Variants in DLG2 observed in about 807,000 individuals in gnomAD.
The protein encoded by DLG2 is discs large MAGUK scaffold protein 2.
A neutral mutation model predicts 132.5 loss-of-function variants in DLG2; 45 were observed. That is an observed-to-expected ratio of 0.34 (90% confidence interval 0.27 to 0.44). DLG2 has a LOEUF of 0.44. DLG2 is among the 20% of genes least tolerant of loss of function. DLG2 has a pLI of 1.00. For synonymous variants in DLG2, 424 were observed against 419.6 expected (o/e 1.01, Z -0.13); for missense variants, 1,045 against 1,196.9 (o/e 0.87, Z 1.87).
chr11:85,391,372 T>G (rs1010932706), intron 3 of DLG2, among the ~76,000 whole-genome samples: 1 of 152,060 alleles, frequency 6.6e-6, no homozygotes, highest in South Asian at 2.1e-4. Context: ...TTCAAGGAAT[T>G]GGTACCAATC....
intron 10 of DLG2, among the ~76,000 whole-genome samples, chr11:84,096,746 AATT>A (rs1373555211): frequency 6.6e-6 from 1 of 152,198 alleles, no homozygotes; most frequent in African/African-American, 2.4e-5. Flanking sequence ...TGACTCATAG[AATT>A]ACACAGCATC....
intron 4 of DLG2, among the ~76,000 whole-genome samples, chr11:85,215,928 C>A (rs192702314): frequency 2.0e-5 from 3 of 151,450 alleles, no homozygotes; most frequent in East Asian, 3.9e-4. Context: ...TTAAAATATA[C>A]ACAATGCTTG....
At chr11:85,383,152 A>G (rs2086035244) in intron 3 of DLG2, among the ~76,000 whole-genome samples, 1 of 152,164 alleles carries the variant, frequency 6.6e-6, no homozygotes, top group African/African-American at 2.4e-5. Flanking sequence ...CAGCAATAAA[A>G]CAGAATTAAG....
intron 7 of DLG2, among the ~76,000 whole-genome samples, chr11:84,477,654 G>A (rs550304905): frequency 8.4e-4 from 128 of 152,208 alleles, no homozygotes; most frequent in African/African-American, 3.0e-3. Flanking sequence ...TGTTTTGCTT[G>A]TTTTATTCCA....
chr11:83,840,173 T>C (rs905027876), intron 16 of DLG2, among the ~76,000 whole-genome samples: 4 of 152,172 alleles, frequency 2.6e-5, no homozygotes, highest in Admixed American at 2.6e-4. Context: ...TGATAACTTG[T>C]TCCTTGGGTC....
chr11:84,045,515 T>G (rs1051133888), intron 11 of DLG2, among the ~76,000 whole-genome samples: 1 of 151,746 alleles, frequency 6.6e-6, no homozygotes, highest in African/African-American at 2.4e-5. Flanking sequence ...TATTCAATTG[T>G]CTTATTCTTG....
intron 6 of DLG2, among the ~76,000 whole-genome samples, chr11:84,763,073 A>G (rs2067869069): frequency 6.6e-6 from 1 of 152,158 alleles, no homozygotes; most frequent in Non-Finnish European, 1.5e-5. Flanking sequence ...CCATTATTTG[A>G]CCAATTTATT....
chr11:84,643,805 A>C (rs1465915843), intron 6 of DLG2, among the ~76,000 whole-genome samples: 1 of 152,200 alleles, frequency 6.6e-6, no homozygotes. Context: ...GCTTCTTATA[A>C]AGCAATGTCT....
intron 6 of DLG2, among the ~76,000 whole-genome samples, chr11:84,663,888 A>G (rs1259080130): frequency 1.3e-5 from 2 of 152,088 alleles, no homozygotes; most frequent in Non-Finnish European, 2.9e-5. Flanking sequence ...CCCCTACTCA[A>G]TTCAAAGGGC....
In DLG2 at chr11:83,727,981, CT is replaced by C. The variant is rs144786508; in HGVS notation, c.1825+58708del. 8.7e-3 allele frequency among the ~76,000 whole-genome samples: 1,332 copies of C among 152,240 alleles called. 20 individuals carry two copies. The highest frequency in any genetic ancestry group is 0.029 in the African/African-American group (1,223 of 41,542). On this transcript the variant is annotated intron_variant, in intron 18 of 27. Coordinates refer to ENST00000376104, the MANE Select transcript of DLG2 (RefSeq NM_001142699.3). ...TCATGGATTTTACAGGGCATAAAGTCTTTGGTTAGTGGTATCACAATTGTAG... is the reference window on the plus strand; with the variant it reads ...TCATGGATTTTACAGGGCATAAAGTCTTGGTTAGTGGTATCACAATTGTAG...
chr11:83,936,917 T>C (rs73508289), intron 14 of DLG2, among the ~76,000 whole-genome samples: 3,126 of 152,286 alleles, frequency 0.021, 98 homozygotes, highest in African/African-American at 0.071. Flanking sequence ...TAAACAAATA[T>C]AGTCTAAGAG....
At chr11:83,633,090 G>T in intron 19 of DLG2, 121 bp downstream of exon 19, 1 of 784,808 alleles carries the variant, frequency 1.3e-6, no homozygotes. Flanking sequence ...AGGTCTTTCA[G>T]TAGTGTACTG....
intron 15 of DLG2, among the ~76,000 whole-genome samples, chr11:83,910,557 AAAT>A (rs1189555965): frequency 6.6e-6 from 1 of 152,132 alleles, no homozygotes; most frequent in Non-Finnish European, 1.5e-5. Flanking sequence ...GCTAGAAGGA[AAAT>A]ATTAAATGTT....
At chr11:85,197,203 T>A (rs536668461) in intron 4 of DLG2, among the ~76,000 whole-genome samples, 2 of 152,294 alleles carry the variant, frequency 1.3e-5, no homozygotes, top group East Asian at 3.9e-4. Flanking sequence ...CCCTTTATAG[T>A]TGACATATTA....
At chr11:83,710,610 T>C (rs193043779) in intron 18 of DLG2, among the ~76,000 whole-genome samples, 1 of 152,188 alleles carries the variant, frequency 6.6e-6, no homozygotes, top group African/African-American at 2.4e-5. Context: ...TTAACAACAA[T>C]ATATAGTTCA....
intron 6 of DLG2, among the ~76,000 whole-genome samples, chr11:84,635,324 C>G (rs928934994): frequency 6.6e-6 from 1 of 152,146 alleles, no homozygotes; most frequent in Non-Finnish European, 1.5e-5. Flanking sequence ...GGGGCCAATA[C>G]TGATGCCCAT....
Position 85,168,947 on chromosome 11 carries a change from A to G in DLG2, c.187-14296T>C, listed in dbSNP as rs565644364. On this transcript the variant is annotated intron_variant, in intron 4 of 27. Transcript: ENST00000376104. The stretch of plus-strand genomic sequence containing the variant: ...CAGGATACACTGTTAAAGTAAAACA[A>G]GCAAAGTGCTAAAGAACACGGTCAT... Among the ~76,000 whole-genome samples the G allele has an allele frequency of 1.3e-4, 20 of 152,310 alleles. No homozygotes were observed. In the South Asian group the frequency reaches 3.3e-3, roughly 25 times the overall value.
chr11:84,383,546 C>A (rs186902127), intron 7 of DLG2, among the ~76,000 whole-genome samples: 1 of 152,172 alleles, frequency 6.6e-6, no homozygotes, highest in Admixed American at 6.5e-5. Context: ...TGGAGAGAGA[C>A]TCTCATGTTG....
At chr11:84,995,388 T>C (rs1692302305) in intron 6 of DLG2, among the ~76,000 whole-genome samples, 1 of 152,196 alleles carries the variant, frequency 6.6e-6, no homozygotes. Flanking sequence ...CCTCAGCTGT[T>C]GCTCTGAGGA....
Sources: allele counts gnomAD v4.1 joint callset (sites outside exome capture counted in the v4.1 genomes callset), GRCh38; gene constraint gnomAD v4.1.1; transcripts MANE v1.5; gene names NCBI Gene and HGNC (gene_info 2026-07-23, HGNC 2026-07-21).